CDH10: variants seen among roughly 807,000 people sequenced by gnomAD.
CDH10 encodes cadherin-10.
CDH10 carries 30 observed loss-of-function variants against 73.1 expected under a neutral mutation model. The observed-to-expected ratio is 0.41, with a 90% CI of 0.31 to 0.56. The LOEUF (loss-of-function observed/expected upper bound fraction) is 0.56, where lower values mean the gene tolerates loss of function less well. Among genes scored for constraint, CDH10 ranks in the 20% least tolerant of loss-of-function variants. The probability of loss-of-function intolerance (pLI) is 0.27; values close to 1 mark genes in which losing one functional copy is unlikely to be tolerated. For missense variants in CDH10, 815 were observed against 973.7 expected (o/e 0.84, Z 2.17); for synonymous variants, 345 against 348.2 (o/e 0.99, Z 0.10).
intron 5 of CDH10, among the ~76,000 whole-genome samples, chr5:24,525,404 T>C (rs1387312355): frequency 1.3e-5 from 2 of 152,110 alleles, no homozygotes; most frequent in Non-Finnish European, 2.9e-5. Flanking sequence ...TGTATAATCA[T>C]ATTGTAACAT....
At chr5:24,515,906 T>C (rs202207101) in intron 5 of CDH10, among the ~76,000 whole-genome samples, 1 of 146,962 alleles carries the variant, frequency 6.8e-6, no homozygotes, top group African/African-American at 2.5e-5. Context: ...AGGGGAGTTT[T>C]CCCCTGAGCA....
At chr5:24,584,220 C>G (rs1341911592) in intron 2 of CDH10, among the ~76,000 whole-genome samples, 2 of 151,784 alleles carry the variant, frequency 1.3e-5, no homozygotes, top group Non-Finnish European at 2.9e-5. Flanking sequence ...TTAACTGTAC[C>G]CCCAAAATTG....
At chr5:24,602,437 C>G (rs903391818) in intron 1 of CDH10, among the ~76,000 whole-genome samples, 2 of 152,232 alleles carry the variant, frequency 1.3e-5, no homozygotes, top group Non-Finnish European at 2.9e-5. Flanking sequence ...CAGAGTGCTG[C>G]TCAGCATTTC....
intron 11 of CDH10, among the ~76,000 whole-genome samples, chr5:24,489,848 C>G (rs1394851592): frequency 1.3e-5 from 2 of 151,964 alleles, no homozygotes; most frequent in South Asian, 4.2e-4. Context: ...GATAGTGAGG[C>G]CTCCATCCAG....
At chr5:24,577,837 C>A (rs889205954) in intron 2 of CDH10, among the ~76,000 whole-genome samples, 5 of 152,094 alleles carry the variant, frequency 3.3e-5, no homozygotes, top group Non-Finnish European at 5.9e-5. Context: ...GGGCCCCACA[C>A]AAATAATAAG....
intron 2 of CDH10, among the ~76,000 whole-genome samples, chr5:24,563,595 T>TATAAAAA (rs1267665246): frequency 6.5e-4 from 8 of 12,352 alleles, no homozygotes; most frequent in East Asian, 1.3e-3. Flanking sequence ...CTACTAAAAA[T>TATAAAAA]ACAAAAAAAA....
rs141654904 is a variant in CDH10, at chr5:24,495,884, G to GAA, written c.1515+2512_1515+2513dup. Among the ~76,000 whole-genome samples the GAA allele has an allele frequency of 1.1e-4, 16 of 148,518 alleles. No individual in the cohort carries two copies. The East Asian group carries it at 2.2e-3, about 20-fold the overall frequency. On this transcript the variant is annotated intron_variant, in intron 9 of 11. Coordinates refer to ENST00000264463, the MANE Select transcript of CDH10 (RefSeq NM_006727.5). ...AAAAAAAAAAAGAAAGAAAGAAAAA[G>GAA]AAAAAAAAAGCACCCTTGAACCCTT...
chr5:24,497,428 A>G (rs1037700145), intron 9 of CDH10, among the ~76,000 whole-genome samples: 2 of 152,108 alleles, frequency 1.3e-5, no homozygotes, highest in Non-Finnish European at 2.9e-5. Context: ...AAGTCATTTA[A>G]ATATTCCAAA....
chr5:24,630,757 C>T (rs1747677967), intron 1 of CDH10, among the ~76,000 whole-genome samples: 1 of 151,490 alleles, frequency 6.6e-6, no homozygotes, highest in South Asian at 2.1e-4. Flanking sequence ...AGGCAAATTA[C>T]AAGAGAGGCA....
At chr5:24,597,746 T>C (rs1746421126) in intron 1 of CDH10, among the ~76,000 whole-genome samples, 1 of 151,996 alleles carries the variant, frequency 6.6e-6, no homozygotes, top group African/African-American at 2.4e-5. Flanking sequence ...TTAATTTTAT[T>C]ATATAGGCAG....
intron 2 of CDH10, among the ~76,000 whole-genome samples, chr5:24,565,844 C>T (rs11747412): frequency 0.41 from 62,003 of 151,888 alleles, 14,346 homozygotes; most frequent in East Asian, 0.54. Context: ...ATCTGCAAGT[C>T]AGGAAGACAG....
chr5:24,636,212 T>G (rs1158271737), intron 1 of CDH10, among the ~76,000 whole-genome samples: 1 of 151,940 alleles, frequency 6.6e-6, no homozygotes. Flanking sequence ...ATGATGTAAG[T>G]ATAATTATTA....
At chr5:24,641,141 G>A (rs962722835) in intron 1 of CDH10, among the ~76,000 whole-genome samples, 2 of 151,826 alleles carry the variant, frequency 1.3e-5, no homozygotes. Context: ...GGACTTATAC[G>A]CTTTAGGTGC....
chr5:24,529,097 A>G (rs1230936785), intron 5 of CDH10, among the ~76,000 whole-genome samples: 1 of 152,018 alleles, frequency 6.6e-6, no homozygotes, highest in East Asian at 1.9e-4. Context: ...TATTTAGTGC[A>G]TGCTATATCA....
intron 1 of CDH10, among the ~76,000 whole-genome samples, chr5:24,602,293 T>C (rs1266095102): frequency 6.6e-6 from 1 of 152,160 alleles, no homozygotes; most frequent in African/African-American, 2.4e-5. Context: ...ACCAGAGAGA[T>C]TTATCATTTC....
chr5:24,553,470 C>G (rs1262697363), intron 2 of CDH10, among the ~76,000 whole-genome samples: 1 of 152,086 alleles, frequency 6.6e-6, no homozygotes, highest in African/African-American at 2.4e-5. Context: ...CCTTTAATTT[C>G]ACTGTCCCTG....
At position 24,535,636 on chromosome 5, in the gene CDH10, T is replaced by C. The variant is rs895787207; in HGVS notation, c.646+67A>G. 34 of 1,413,848 alleles carry C rather than the reference T, an allele frequency of 2.4e-5. No homozygotes were observed. The Admixed American group carries it at 3.2e-4, about 13-fold the overall frequency. 87.6% of individuals were successfully genotyped at this position (1,413,848 alleles called of 1,614,324 possible). ...TTAAGGTTTTGTTCTTATTCTCCCATGGTCTTTCTACTGATAAAGGTCATA... is the reference window on the plus strand; with the variant it reads ...TTAAGGTTTTGTTCTTATTCTCCCACGGTCTTTCTACTGATAAAGGTCATA... On this transcript the variant is annotated intron_variant, in intron 4 of 11. Transcript: ENST00000264463.
rs780952857 is a variant in CDH10, at chr5:24,505,266, GAAA to G, written c.1257-21_1257-19del. 3.1e-6 allele frequency: 5 copies of G among 1,605,558 alleles called. No homozygotes were observed. Among genetic ancestry groups the G allele is most frequent in the Non-Finnish European group, 4.3e-6 (5 of 1,173,860 alleles). ...AGGAAAATCTGAACATGGAGGGCAA[GAAA>G]AAATACATGGCAGCATTATTAATAG... On this transcript the variant is annotated intron_variant, in intron 7 of 11. Transcript: ENST00000264463.
chr5:24,527,150 T>C (rs985575321), intron 5 of CDH10, among the ~76,000 whole-genome samples: 2 of 150,600 alleles, frequency 1.3e-5, no homozygotes, highest in African/African-American at 4.9e-5. Flanking sequence ...TGTACACATT[T>C]ATGTTTTGTG....
Sources: gnomAD v4.1 joint callset for allele counts (sites outside exome capture counted in the v4.1 genomes callset) on GRCh38, gnomAD v4.1.1 for gene constraint, MANE v1.5 for transcripts, NCBI Gene and HGNC (gene_info 2026-07-23, HGNC 2026-07-21) for gene names.